TMEM114: variants seen among roughly 807,000 people sequenced by gnomAD.
TMEM114 encodes claudin-26.
TMEM114 carries 6 observed loss-of-function variants against 6.2 expected under a neutral mutation model. That is an observed-to-expected ratio of 0.97 (90% confidence interval 0.53 to 1.91). TMEM114 has a LOEUF of 1.91. TMEM114 is among the 40% of genes most tolerant of loss of function. The pLI, the probability that TMEM114 is intolerant of heterozygous loss-of-function variation, is 0.01. For missense variants in TMEM114, 218 were observed against 158.3 expected (o/e 1.38, Z -2.02); for synonymous variants, 104 against 73.0 (o/e 1.42, Z -2.16).
chr16:8,548,419 A>T (rs543168801), intron 2 of TMEM114, among the ~76,000 whole-genome samples: 13 of 152,336 alleles, frequency 8.5e-5, no homozygotes, highest in African/African-American at 2.9e-4. Flanking sequence ...CTAGCCATGT[A>T]CAGCATGGCT....
chr16:8,573,048 C>T (rs1396657000), intron 2 of TMEM114, among the ~76,000 whole-genome samples: 1 of 152,210 alleles, frequency 6.6e-6, no homozygotes, highest in Non-Finnish European at 1.5e-5. Flanking sequence ...AAGGAGGAGC[C>T]TCATGCAAGC....
rs1901419569 is a variant in TMEM114 at position 8,564,154 on chromosome 16, T to G, written n.212+25059A>C. On this transcript the variant is annotated intron_variant and non_coding_transcript_variant, in intron 2 of 2. Transcript: ENST00000623677. The stretch of plus-strand genomic sequence containing the variant: ...GTTAGTGAATGAGTGAGTGAATGAG[T>G]TAGTGAATGAGTGAGTAAATGAGTG... 2.6e-5 allele frequency among the ~76,000 whole-genome samples: 4 copies of G among 151,058 alleles called. No homozygotes were observed. In the South Asian group the frequency reaches 6.2e-4, roughly 24 times the overall value.
intron 2 of TMEM114, among the ~76,000 whole-genome samples, chr16:8,547,111 G>C (rs1230937682): frequency 6.6e-6 from 1 of 152,190 alleles, no homozygotes; most frequent in Admixed American, 6.5e-5. Context: ...TCTGTTGAGG[G>C]ATCGTGTGGT....
chr16:8,574,290 G>A (rs143666708), intron 2 of TMEM114, among the ~76,000 whole-genome samples: 2 of 152,150 alleles, frequency 1.3e-5, no homozygotes, highest in East Asian at 3.9e-4. Flanking sequence ...AAAGATCATT[G>A]GGCAACACGG....
At chr16:8,542,195 C>T (rs1407036035) in intron 2 of TMEM114, among the ~76,000 whole-genome samples, 4 of 152,038 alleles carry the variant, frequency 2.6e-5, no homozygotes, top group African/African-American at 7.2e-5. Context: ...CCCTCTACTT[C>T]CTCTGCCAAG....
At chr16:8,567,119 G>C (rs1197907916), downstream of TMEM114, among the ~76,000 whole-genome samples, 2 of 151,570 alleles carry the variant, frequency 1.3e-5, no homozygotes, top group African/African-American at 4.9e-5. Flanking sequence ...ATGTTGGCCA[G>C]GCTAGTTTCG....
chr16:8,555,623 A>G (rs13333104), intron 2 of TMEM114, among the ~76,000 whole-genome samples: 64,848 of 151,806 alleles, frequency 0.43, 14,147 homozygotes, highest in East Asian at 0.52. Context: ...GGGTCCAGTT[A>G]TATCTGCTGC....
chr16:8,575,324 C>T (rs1184149460), intron 2 of TMEM114, among the ~76,000 whole-genome samples: 2 of 152,194 alleles, frequency 1.3e-5, no homozygotes, highest in Non-Finnish European at 2.9e-5. Flanking sequence ...TAGCTCCACA[C>T]TGAGCACTGG....
the TMEM114 span, among the ~76,000 whole-genome samples, chr16:8,528,221 A>G: frequency 1.3e-5 from 2 of 149,066 alleles, no homozygotes; most frequent in African/African-American, 5.0e-5. Flanking sequence ...ATAGTTTCTG[A>G]TATGAATTTG....
chr16:8,579,098 C>G (rs1226126580), intron 2 of TMEM114, among the ~76,000 whole-genome samples: 1 of 152,204 alleles, frequency 6.6e-6, no homozygotes, highest in African/African-American at 2.4e-5. Context: ...AAGGGAAAAG[C>G]AACCCCAGAA....
At position 8,570,007 on chromosome 16, in the gene TMEM114, T is replaced by C. The variant is rs1172286698; in HGVS notation, c.440-2A>G. ...TGATCCCAGCGAGGGTCACCATGGC[T>C]GCAGGGAGGGCAAAGGGAGAGCAGA... On this transcript the variant is annotated splice_acceptor_variant, in intron 3 of 3. Transcript: ENST00000620492. LOFTEE classifies it high-confidence loss of function. 4 of 1,547,486 alleles carry C rather than the reference T, an allele frequency of 2.6e-6. No homozygotes were observed. In the African/African-American group the frequency reaches 5.5e-5, roughly 21 times the overall value.
intron 2 of TMEM114, among the ~76,000 whole-genome samples, chr16:8,551,323 C>T (rs1285105278): frequency 6.6e-6 from 1 of 152,194 alleles, no homozygotes; most frequent in African/African-American, 2.4e-5. Flanking sequence ...GTTAGTCAGA[C>T]ACCATGTGTT....
chr16:8,529,222 C>T, the TMEM114 span, among the ~76,000 whole-genome samples: 4 of 152,280 alleles, frequency 2.6e-5, no homozygotes, highest in East Asian at 7.7e-4. Context: ...TCTCTCTTAT[C>T]ACTAGCTTTC....
chr16:8,531,393 C>A, the TMEM114 span, among the ~76,000 whole-genome samples: 1 of 152,204 alleles, frequency 6.6e-6, no homozygotes, highest in Non-Finnish European at 1.5e-5. Flanking sequence ...CTCCTTGGAA[C>A]ACTGGAAAAA....
chr16:8,549,154 C>A (rs139410859), intron 2 of TMEM114, among the ~76,000 whole-genome samples: 4,094 of 143,276 alleles, frequency 0.029, 216 homozygotes, highest in African/African-American at 0.1. Flanking sequence ...TGCACTGCAG[C>A]CTGGGCAACA....
intron 2 of TMEM114, among the ~76,000 whole-genome samples, chr16:8,542,660 T>C (rs1020370746): frequency 6.6e-6 from 1 of 152,124 alleles, no homozygotes; most frequent in Non-Finnish European, 1.5e-5. Flanking sequence ...GAGTGTGCTT[T>C]GTAAATAAGC....
downstream of TMEM114, among the ~76,000 whole-genome samples, chr16:8,535,997 G>A (rs1055405905): frequency 3.3e-5 from 5 of 152,072 alleles, no homozygotes; most frequent in Admixed American, 2.0e-4. Flanking sequence ...AGGTCGAGGC[G>A]GGCAGATCAC....
At chr16:8,531,768 A>C in the TMEM114 span, among the ~76,000 whole-genome samples, 1 of 152,256 alleles carries the variant, frequency 6.6e-6, no homozygotes, top group Admixed American at 6.5e-5. Context: ...TGATCAATGT[A>C]ACAGTCAACC....
Position 8,590,208 on chromosome 16 carries a change from C to A in TMEM114, c.-370G>T, listed in dbSNP as rs1187186656. 2.4e-5 allele frequency: 5 copies of A among 210,824 alleles called. No individual in the cohort carries two copies. Among genetic ancestry groups the A allele is most frequent in the African/African-American group, 1.1e-4 (5 of 43,514 alleles). The allele number at this position is 210,824 out of a possible 1,614,324, so 13.1% of individuals were successfully genotyped here. On this transcript the variant is annotated 5_prime_UTR_variant, in exon 1 of 4. Coordinates refer to ENST00000620492, the MANE Select transcript of TMEM114 (RefSeq NM_001146336.2). ...CCTTAACCCACCTCGTCCCTCAGCC[C>A]CACTCCACCCTCGGCCCTCCACGCC...
Sources: gnomAD v4.1 joint callset for allele counts (sites outside exome capture counted in the v4.1 genomes callset) on GRCh38, gnomAD v4.1.1 for gene constraint, MANE v1.5 for transcripts, NCBI Gene and HGNC (gene_info 2026-07-23, HGNC 2026-07-21) for gene names.